Variants in PLEKHA7 observed in about 807,000 individuals in gnomAD.
PLEKHA7 encodes pleckstrin homology domain containing A7.
Under a neutral mutation model 170.0 loss-of-function variants are expected in PLEKHA7, and 104 were observed. That is an observed-to-expected ratio of 0.61 (90% CI 0.52 to 0.72). The LOEUF (loss-of-function observed/expected upper bound fraction) is 0.72. PLEKHA7 is among the 30% of genes least tolerant of loss of function. The probability of loss-of-function intolerance (pLI) is 0.00; values close to 1 mark genes in which losing one functional copy is unlikely to be tolerated. For synonymous variants in PLEKHA7, 648 were observed against 660.8 expected (o/e 0.98, Z 0.30); for missense variants, 1,615 against 1,671.7 (o/e 0.97, Z 0.59).
intron 3 of PLEKHA7, among the ~76,000 whole-genome samples, chr11:16,887,382 GCCTCTCCCTCTCCCCACGGTCTC>G (rs879358414): frequency 0.28 from 25,998 of 92,654 alleles, 2,709 homozygotes; most frequent in Non-Finnish European, 0.39. Context: ...CCCACGGTCT[GCCTCTCCCTCTCCCCACGGTCTC>G]CCTCTCCCTC....
chr11:16,892,112 G>A lies in PLEKHA7; in HGVS notation c.222-20930C>T, dbSNP rs547415212. Among the ~76,000 whole-genome samples, 4 of 152,262 alleles carry A rather than the reference G, an allele frequency of 2.6e-5. No individual in the cohort carries two copies. In the South Asian group the frequency reaches 8.3e-4, roughly 32 times the overall value. ...AAATAAATCATCTGGCAAGGATGTT[G>A]GTAATGGAAGAATGCAAACCCCAAG... On this transcript the variant is annotated intron_variant, in intron 3 of 26. Transcript: ENST00000531066.
At position 16,787,093 on chromosome 11, in the gene PLEKHA7, A is replaced by G. The variant is rs1056904620; in HGVS notation, c.3358-706T>C. 9 of 985,342 alleles carry G rather than the reference A, an allele frequency of 9.1e-6. No homozygotes were observed. In the African/African-American group the frequency reaches 1.6e-4, roughly 17 times the overall value. The allele number at this position is 985,342 out of a possible 1,614,324, so 61.0% of individuals were successfully genotyped here. ...GTATCAACTTTGTAACAAGCTTCCCAAGAGGGAAAATCTAACCGATAAGAT... is the reference window on the plus strand; with the variant it reads ...GTATCAACTTTGTAACAAGCTTCCCGAGAGGGAAAATCTAACCGATAAGAT... On this transcript the variant is annotated intron_variant, in intron 23 of 26. Transcript: ENST00000531066.
At chr11:16,884,012 A>C (rs1346196641) in intron 3 of PLEKHA7, among the ~76,000 whole-genome samples, 1 of 79,796 alleles carries the variant, frequency 1.3e-5, no homozygotes, top group African/African-American at 3.0e-5. Flanking sequence ...TTTTTAGAAA[A>C]AAATTCACAA....
At chr11:16,866,570 C>T (rs939327415) in intron 4 of PLEKHA7, among the ~76,000 whole-genome samples, 3 of 151,398 alleles carry the variant, frequency 2.0e-5, no homozygotes. Context: ...CTAGCCTGGG[C>T]AACAAGAATG....
At chr11:16,782,411 T>C (rs1849100941) in intron 26 of PLEKHA7, among the ~76,000 whole-genome samples, 1 of 152,180 alleles carries the variant, frequency 6.6e-6, no homozygotes, top group Middle Eastern at 3.2e-3. Context: ...GTCAGAAACC[T>C]TGGCCCCTTG....
intron 9 of PLEKHA7, among the ~76,000 whole-genome samples, chr11:16,839,869 G>T (rs1288328134): frequency 2.0e-5 from 3 of 151,986 alleles, no homozygotes; most frequent in South Asian, 2.1e-4. Flanking sequence ...TATATTAAAA[G>T]AATGAAAAAT....
At chr11:17,000,212 T>C (rs1397967568) in intron 3 of PLEKHA7, among the ~76,000 whole-genome samples, 1 of 152,090 alleles carries the variant, frequency 6.6e-6, no homozygotes, top group Non-Finnish European at 1.5e-5. Flanking sequence ...GCCTCCCGAG[T>C]GGCTGGAATT....
At chr11:16,787,248 C>T in intron 23 of PLEKHA7, 1 of 985,298 alleles carries the variant, frequency 1.0e-6, no homozygotes, top group Non-Finnish European at 1.2e-6. Flanking sequence ...CTGAGCAAAA[C>T]CAAAGCAGAT....
At chr11:16,880,411 G>A (rs1855623030) in intron 3 of PLEKHA7, among the ~76,000 whole-genome samples, 1 of 152,198 alleles carries the variant, frequency 6.6e-6, no homozygotes, top group Non-Finnish European at 1.5e-5. Context: ...AAAGAACACT[G>A]ATAACATCCC....
intron 9 of PLEKHA7, among the ~76,000 whole-genome samples, chr11:16,836,726 C>T (rs1473876733): frequency 6.6e-6 from 1 of 151,568 alleles, no homozygotes; most frequent in Non-Finnish European, 1.5e-5. Context: ...TGGAGAAATG[C>T]TATTATGTCT....
At chr11:16,932,923 G>T (rs1452063162) in intron 3 of PLEKHA7, among the ~76,000 whole-genome samples, 4 of 152,132 alleles carry the variant, frequency 2.6e-5, no homozygotes, top group African/African-American at 9.7e-5. Flanking sequence ...GGGAAGGGTA[G>T]GAAAAGATGA....
Position 16,826,254 on chromosome 11 carries a change from T to C in PLEKHA7, c.1209A>G (p.Pro403=). 9 of 1,614,264 alleles carry C rather than the reference T, an allele frequency of 5.6e-6. No individual in the cohort carries two copies. The highest frequency in any genetic ancestry group is 2.2e-5 in the East Asian group (1 of 44,890). The part of the protein sequence containing the change: ...KNGMLPASYG[P]GEQNGTGGYQ... ...ACCCACCAGTCCCATTCTGTTCTCC[T>C]GGGCCATATGAGGCAGGCAGCATTC... The change falls in exon 10 of 27, where the codon CCA becomes CCG. Residue 403 remains proline (P), a synonymous_variant. Coordinates refer to ENST00000531066, the MANE Select transcript of PLEKHA7 (RefSeq NM_001329630.2).
At chr11:16,986,155 GGAAGA>G (rs1863712852) in intron 3 of PLEKHA7, among the ~76,000 whole-genome samples, 1 of 152,178 alleles carries the variant, frequency 6.6e-6, no homozygotes, top group Non-Finnish European at 1.5e-5. Context: ...CACAGACACA[GGAAGA>G]GAAGCCCAAG....
At chr11:16,800,222 T>C (rs1339517120) in intron 17 of PLEKHA7, among the ~76,000 whole-genome samples, 1 of 152,174 alleles carries the variant, frequency 6.6e-6, no homozygotes, top group Non-Finnish European at 1.5e-5. Flanking sequence ...AAACAGGTTA[T>C]TTTCCACTTA....
chr11:16,794,881 C>T (rs762472975), intron 18 of PLEKHA7, 29 bp downstream of exon 18: 3 of 1,561,338 alleles, frequency 1.9e-6, no homozygotes, highest in African/African-American at 1.4e-5. Context: ...CAATCAGATC[C>T]CCCACATCCA....
chr11:16,906,273 AG>A lies in PLEKHA7; in HGVS notation c.222-35092del, dbSNP rs763415965. ...AAGGAAGGAAGGAAGGAAGGAAGGAAGGAAGGAAAGAAAGAAAATTGGAAAG... is the reference window on the plus strand; with the variant it reads ...AAGGAAGGAAGGAAGGAAGGAAGGAAGAAGGAAAGAAAGAAAATTGGAAAG... On this transcript the variant is annotated intron_variant, in intron 3 of 26. Transcript: ENST00000531066. 4.3e-3 allele frequency among the ~76,000 whole-genome samples: 503 copies of A among 116,148 alleles called. 6 individuals are homozygous for A. The highest frequency in any genetic ancestry group is 0.014 in the South Asian group (49 of 3,416). The allele number at this position is 116,148 out of a possible 152,430, so 76.2% of individuals were successfully genotyped here. A position where few individuals can be genotyped will look rare whatever the true frequency, so the allele number is the denominator to read the frequency against.
intron 3 of PLEKHA7, among the ~76,000 whole-genome samples, chr11:16,907,177 C>G (rs560492376): frequency 1.3e-4 from 10 of 79,440 alleles, no homozygotes; most frequent in Non-Finnish European, 2.0e-4. Context: ...GTTAGCCCCC[C>G]GCCCGGCCAG....
intron 3 of PLEKHA7, among the ~76,000 whole-genome samples, chr11:16,951,357 T>C (rs1025641596): frequency 7.2e-5 from 11 of 151,932 alleles, no homozygotes; most frequent in African/African-American, 9.7e-5. Flanking sequence ...ATCATGACGA[T>C]GATGATGATG....
At chr11:16,829,438 T>C (rs746020208) in intron 9 of PLEKHA7, among the ~76,000 whole-genome samples, 3 of 152,196 alleles carry the variant, frequency 2.0e-5, no homozygotes, top group Non-Finnish European at 4.4e-5. Context: ...CATTCATTGT[T>C]AACATTCAGT....
Sources: gnomAD v4.1 joint callset for allele counts (sites outside exome capture counted in the v4.1 genomes callset) on GRCh38, gnomAD v4.1.1 for gene constraint, MANE v1.5 for transcripts, NCBI Gene and HGNC (gene_info 2026-07-23, HGNC 2026-07-21) for gene names.